Variants in DNAJC15 observed in about 807,000 individuals in gnomAD.
DNAJC15 encodes dnaJ homolog subfamily C member 15.
DNAJC15 carries 27 observed loss-of-function variants against 22.4 expected under a neutral mutation model. That is an observed-to-expected ratio of 1.20 (90% CI 0.89 to 1.66). DNAJC15 has a LOEUF of 1.66. Among genes scored for constraint, DNAJC15 ranks in the 40% most tolerant of loss-of-function variants. The pLI is 0.00. For missense variants in DNAJC15, 208 were observed against 187.1 expected (o/e 1.11, Z -0.65); for synonymous variants, 79 against 63.2 (o/e 1.25, Z -1.19).
intron 1 of DNAJC15, among the ~76,000 whole-genome samples, chr13:43,038,939 C>T (rs2040441120): frequency 6.6e-6 from 1 of 151,978 alleles, no homozygotes; most frequent in Admixed American, 6.5e-5. Flanking sequence ...ACACTGTATT[C>T]TCTAGAAAAT....
intron 1 of DNAJC15, among the ~76,000 whole-genome samples, chr13:43,063,469 AAC>A (rs779050088): frequency 1.2e-4 from 19 of 152,198 alleles, no homozygotes; most frequent in Non-Finnish European, 8.8e-5. Flanking sequence ...CACTGTACAA[AAC>A]AAGTTCCACA....
intron 1 of DNAJC15, among the ~76,000 whole-genome samples, chr13:43,059,439 TCTCGG>T (rs1462673409): frequency 1.3e-5 from 2 of 152,084 alleles, no homozygotes; most frequent in Non-Finnish European, 1.5e-5. Flanking sequence ...AACGGCGCAA[TCTCGG>T]CTCACCGCTT....
chr13:43,055,268 A>T (rs936622045), intron 1 of DNAJC15, among the ~76,000 whole-genome samples: 1 of 152,042 alleles, frequency 6.6e-6, no homozygotes, highest in Non-Finnish European at 1.5e-5. Flanking sequence ...CTCTATAAAG[A>T]TAGCACACCT....
chr13:43,084,875 T>A (rs1232700080), intron 4 of DNAJC15, among the ~76,000 whole-genome samples: 3 of 152,228 alleles, frequency 2.0e-5, no homozygotes, highest in African/African-American at 7.2e-5. Context: ...AGTTTTGAGA[T>A]CCTCTGTAAA....
intron 5 of DNAJC15, among the ~76,000 whole-genome samples, chr13:43,098,706 G>T (rs1033666039): frequency 3.3e-5 from 5 of 152,092 alleles, no homozygotes; most frequent in Non-Finnish European, 7.4e-5. Context: ...TTTAGCTATT[G>T]TCCCCTCATC....
intron 1 of DNAJC15, among the ~76,000 whole-genome samples, chr13:43,058,398 G>A (rs1019724711): frequency 3.3e-5 from 5 of 152,090 alleles, no homozygotes; most frequent in Non-Finnish European, 7.4e-5. Context: ...GGTGGAAGGC[G>A]GCAGTGTGTA....
At chr13:43,094,070 A>C (rs1398180047) in intron 5 of DNAJC15, among the ~76,000 whole-genome samples, 3 of 152,256 alleles carry the variant, frequency 2.0e-5, no homozygotes, top group Non-Finnish European at 4.4e-5. Flanking sequence ...CTTGCTATTA[A>C]ACCAGAACTC....
At chr13:43,052,205 C>T (rs1312948243) in intron 1 of DNAJC15, among the ~76,000 whole-genome samples, 1 of 151,984 alleles carries the variant, frequency 6.6e-6, no homozygotes, top group Admixed American at 6.6e-5. Context: ...CCTTGTGATA[C>T]ACCTGTCTCA....
At chr13:43,077,949 C>G (rs550837657) in intron 3 of DNAJC15, among the ~76,000 whole-genome samples, 1 of 152,332 alleles carries the variant, frequency 6.6e-6, no homozygotes, top group South Asian at 2.1e-4. Flanking sequence ...TACTTCTACT[C>G]TTGCACCTTT....
chr13:43,082,789 A>G (rs2040667976), intron 4 of DNAJC15, among the ~76,000 whole-genome samples: 1 of 152,124 alleles, frequency 6.6e-6, no homozygotes, highest in South Asian at 2.1e-4. Flanking sequence ...CTAGAATAAA[A>G]TGGACCTTGC....
chr13:43,100,934 TTGTTAGG>T (rs1367605671), intron 5 of DNAJC15, among the ~76,000 whole-genome samples: 2 of 152,228 alleles, frequency 1.3e-5, no homozygotes, highest in East Asian at 3.8e-4. Flanking sequence ...TGGTGCTCTA[TTGTTAGG>T]TGCACATATG....
rs1365279976 is a variant in DNAJC15, at chr13:43,078,481, C to T, written c.235-131C>T. 5.3e-6 allele frequency: 3 copies of T among 564,770 alleles called. No individual in the cohort carries two copies. The East Asian group carries it at 9.1e-5, about 17-fold the overall frequency. The allele number at this position is 564,770 out of a possible 1,614,324, so 35.0% of individuals were successfully genotyped here. A position where few individuals can be genotyped will look rare whatever the true frequency, so the allele number is the denominator to read the frequency against. ...TGAAAAGTTTCATTGTTTGGTGCTT[C>T]CCCCCGCCCCATAATTTTGAGTTGA... On this transcript the variant is annotated intron_variant, in intron 3 of 5. Transcript: ENST00000379221.
In DNAJC15 at chr13:43,042,007, C is replaced by A. The variant is rs539608376; in HGVS notation, c.108+18273C>A. Among the ~76,000 whole-genome samples the A allele has an allele frequency of 7.2e-5, 11 of 152,254 alleles. No homozygotes were observed. The South Asian group carries it at 2.1e-3, about 29-fold the overall frequency. On this transcript the variant is annotated intron_variant, in intron 1 of 5. Transcript: ENST00000379221. ...AAGACCATAACACTGACATTGATTTCTTTAATGGTTGGATGTTTACTTAAT... is the reference window on the plus strand; with the variant it reads ...AAGACCATAACACTGACATTGATTTATTTAATGGTTGGATGTTTACTTAAT...
At chr13:43,033,382 A>T (rs1330372348) in intron 1 of DNAJC15, among the ~76,000 whole-genome samples, 1 of 152,180 alleles carries the variant, frequency 6.6e-6, no homozygotes, top group African/African-American at 2.4e-5. Context: ...ATACCACTGC[A>T]CTACAGCCTG....
chr13:43,059,720 C>T (rs1593317528), intron 1 of DNAJC15, among the ~76,000 whole-genome samples: 1 of 152,360 alleles, frequency 6.6e-6, no homozygotes, highest in Non-Finnish European at 1.5e-5. Context: ...TTTGTGTGAG[C>T]AACATGGCTG....
intron 1 of DNAJC15, among the ~76,000 whole-genome samples, chr13:43,033,736 G>A (rs1378633853): frequency 2.6e-5 from 4 of 152,022 alleles, no homozygotes; most frequent in African/African-American, 9.7e-5. Flanking sequence ...AATCAGAAAG[G>A]TGAAGTGCCA....
chr13:43,052,497 A>C (rs2040510033), intron 1 of DNAJC15, among the ~76,000 whole-genome samples: 1 of 151,776 alleles, frequency 6.6e-6, no homozygotes, highest in South Asian at 2.1e-4. Context: ...AGCTCACTAC[A>C]ACCTCCACCT....
chr13:43,084,976 C>T (rs949401154), intron 4 of DNAJC15, among the ~76,000 whole-genome samples: 9 of 152,274 alleles, frequency 5.9e-5, no homozygotes, highest in Non-Finnish European at 1.2e-4. Context: ...CTTACAGTTG[C>T]TCTAGCCCTG....
At chr13:43,090,884 A>G (rs1357204360) in intron 5 of DNAJC15, among the ~76,000 whole-genome samples, 2 of 150,656 alleles carry the variant, frequency 1.3e-5, no homozygotes, top group Non-Finnish European at 3.0e-5. Context: ...ATTTTTTTGT[A>G]TTTTTAGTAG....
Sources: gnomAD v4.1 joint callset for allele counts (sites outside exome capture counted in the v4.1 genomes callset) on GRCh38, gnomAD v4.1.1 for gene constraint, MANE v1.5 for transcripts, NCBI Gene and HGNC (gene_info 2026-07-23, HGNC 2026-07-21) for gene names.